Variants in UBR3 observed in about 807,000 individuals in gnomAD.
The protein encoded by UBR3 is E3 ubiquitin-protein ligase UBR3.
Under a neutral mutation model 243.2 loss-of-function variants are expected in UBR3, and 85 were observed. The observed-to-expected ratio is 0.35, with a 90% confidence interval of 0.29 to 0.42. The LOEUF (loss-of-function observed/expected upper bound fraction) is 0.42. UBR3 is among the 10% of genes least tolerant of loss of function. UBR3 has a pLI of 1.00. For synonymous variants in UBR3, 748 were observed against 799.8 expected (o/e 0.94, Z 1.09); for missense variants, 1,686 against 2,300.8 (o/e 0.73, Z 5.47).
intron 1 of UBR3, among the ~76,000 whole-genome samples, chr2:169,864,644 C>A (rs2083192998): frequency 6.6e-6 from 1 of 151,982 alleles, no homozygotes. Flanking sequence ...TGGCTCACAC[C>A]TGTAATCCCA....
chr2:169,832,953 A>G (rs1250352798), intron 1 of UBR3, among the ~76,000 whole-genome samples: 1 of 152,114 alleles, frequency 6.6e-6, no homozygotes, highest in African/African-American at 2.4e-5. Context: ...AAAATGCTTT[A>G]TGGGTGGATG....
intron 5 of UBR3, among the ~76,000 whole-genome samples, chr2:169,890,553 A>ATATATATATATGTG (rs2084309904): frequency 2.1e-5 from 2 of 96,362 alleles, no homozygotes; most frequent in Admixed American, 1.1e-4. Flanking sequence ...ATATATATAT[A>ATATATATATATGTG]TATATATATA....
At chr2:169,905,068 TAAAA>T in intron 8 of UBR3, 42 bp from the exon 9 acceptor site, 1 of 1,405,006 alleles carries the variant, frequency 7.1e-7, no homozygotes, top group Middle Eastern at 2.2e-4. Flanking sequence ...TTAAGCTTTT[TAAAA>T]AAATCTTATG....
intron 21 of UBR3, 109 bp from the exon 22 acceptor site, chr2:169,947,433 A>G (rs2086827611): frequency 3.7e-6 from 3 of 807,090 alleles, no homozygotes; most frequent in Non-Finnish European, 5.1e-6. Flanking sequence ...ACAATAAGGG[A>G]TTCAGGATTA....
intron 1 of UBR3, among the ~76,000 whole-genome samples, chr2:169,831,129 T>TATATATATATATATA (rs2081925483): frequency 3.4e-4 from 8 of 23,762 alleles, no homozygotes; most frequent in Non-Finnish European, 4.4e-4. Flanking sequence ...ATATATATAT[T>TATATATATATATATA]TTTTTTTTTT....
intron 20 of UBR3, among the ~76,000 whole-genome samples, chr2:169,945,169 G>A (rs2086740841): frequency 6.6e-6 from 1 of 151,178 alleles, no homozygotes. Context: ...GTTGGGGATG[G>A]GACAAGTGAA....
intron 26 of UBR3, among the ~76,000 whole-genome samples, chr2:169,996,361 T>G (rs1214249360): frequency 6.6e-6 from 1 of 152,222 alleles, no homozygotes; most frequent in Non-Finnish European, 1.5e-5. Context: ...TTTCCTCATC[T>G]GTAAAATAGG....
intron 19 of UBR3, among the ~76,000 whole-genome samples, chr2:169,939,375 C>T (rs985966499): frequency 6.6e-6 from 1 of 151,494 alleles, no homozygotes; most frequent in African/African-American, 2.4e-5. Flanking sequence ...TCTCCTGCCT[C>T]AGCCTCCTGA....
chr2:169,968,589 T>C (rs1294215135), intron 24 of UBR3, among the ~76,000 whole-genome samples: 2 of 152,184 alleles, frequency 1.3e-5, no homozygotes, highest in African/African-American at 4.8e-5. Context: ...CCACATTTTC[T>C]TTGTTCATCT....
At chr2:170,080,171 A>G (rs1224522160) in intron 37 of UBR3, 148 bp downstream of exon 37, 28 of 781,272 alleles carry the variant, frequency 3.6e-5, no homozygotes. Context: ...CCAGTAGAAG[A>G]GTAAAAAAAG....
chr2:170,061,654 G>T (rs996599888), intron 35 of UBR3, among the ~76,000 whole-genome samples: 7 of 152,070 alleles, frequency 4.6e-5, no homozygotes, highest in Non-Finnish European at 8.8e-5. Flanking sequence ...TTGTAGTAGA[G>T]ACAGGGTTTC....
intron 8 of UBR3, among the ~76,000 whole-genome samples, chr2:169,899,393 T>A (rs1158570899): frequency 6.6e-6 from 1 of 152,270 alleles, no homozygotes; most frequent in Non-Finnish European, 1.5e-5. Context: ...TATTGCTTTT[T>A]CTTTTTTCCT....
chr2:169,856,831 G>A (rs2082887597), intron 1 of UBR3, among the ~76,000 whole-genome samples: 1 of 150,790 alleles, frequency 6.6e-6, no homozygotes, highest in Admixed American at 6.6e-5. Context: ...GCAAAGGGGA[G>A]AGGGAGGGGG....
chr2:169,860,371 A>T (rs768952277), intron 1 of UBR3, among the ~76,000 whole-genome samples: 8 of 152,144 alleles, frequency 5.3e-5, no homozygotes, highest in Non-Finnish European at 1.2e-4. Flanking sequence ...TTTAAGCTAC[A>T]TTAGTGTGGG....
intron 8 of UBR3, 21 bp from the exon 9 acceptor site, chr2:169,905,093 G>T: frequency 7.0e-7 from 1 of 1,436,848 alleles, no homozygotes; most frequent in Non-Finnish European, 9.1e-7. Flanking sequence ...AAATTTTTGG[G>T]TTGTGTGTGT....
chr2:170,061,975 A>G (rs1401994130), intron 35 of UBR3, among the ~76,000 whole-genome samples: 3 of 152,238 alleles, frequency 2.0e-5, no homozygotes, highest in Non-Finnish European at 4.4e-5. Flanking sequence ...GGATTAGATC[A>G]ATGATGATAC....
intron 19 of UBR3, among the ~76,000 whole-genome samples, chr2:169,941,365 TAGTG>T (rs1225656626): frequency 1.3e-5 from 2 of 152,194 alleles, no homozygotes; most frequent in African/African-American, 4.8e-5. Context: ...AAATTAGAGA[TAGTG>T]AGAGATTAAC....
At chr2:169,965,531 A>G (rs941742868) in intron 24 of UBR3, among the ~76,000 whole-genome samples, 1 of 152,172 alleles carries the variant, frequency 6.6e-6, no homozygotes, top group Admixed American at 6.6e-5. Context: ...ACAATAATAA[A>G]ATAGAACAAT....
intron 9 of UBR3, among the ~76,000 whole-genome samples, chr2:169,905,667 G>T (rs2084985438): frequency 1.3e-5 from 2 of 152,158 alleles, no homozygotes; most frequent in African/African-American, 4.8e-5. Flanking sequence ...TAGCCACTGT[G>T]CCTGGCTTTG....
Sources: gnomAD v4.1 joint callset for allele counts (sites outside exome capture counted in the v4.1 genomes callset) on GRCh38, gnomAD v4.1.1 for gene constraint, MANE v1.5 for transcripts, NCBI Gene and HGNC (gene_info 2026-07-23, HGNC 2026-07-21) for gene names.